Variants in TRPS1 observed in about 807,000 individuals in gnomAD.
The protein encoded by TRPS1 is zinc finger transcription factor Trps1.
In TRPS1, 6 loss-of-function variants were observed where a neutral mutation model predicts 101.2. The observed-to-expected ratio is 0.06, with a 90% CI of 0.03 to 0.12. The LOEUF is 0.12. Ranked by LOEUF, TRPS1 falls within the 10% of genes least tolerant of loss-of-function variation. The probability of loss-of-function intolerance (pLI) is 1.00; values close to 1 mark genes in which losing one functional copy is unlikely to be tolerated. For synonymous variants in TRPS1, 578 were observed against 589.8 expected (o/e 0.98, Z 0.29); for missense variants, 1,363 against 1,567.0 (o/e 0.87, Z 2.20).
intron 5 of TRPS1, among the ~76,000 whole-genome samples, chr8:115,585,073 G>A (rs1402777461): frequency 1.3e-5 from 2 of 152,108 alleles, no homozygotes; most frequent in Non-Finnish European, 2.9e-5. Context: ...AGCCTTTGAA[G>A]ATAATAAATC....
chr8:115,455,776 T>TC (rs1814003463), intron 5 of TRPS1, among the ~76,000 whole-genome samples: 1 of 109,222 alleles, frequency 9.2e-6, no homozygotes, highest in South Asian at 2.6e-4. Flanking sequence ...TCTTTCTTTC[T>TC]TTTTTTTTTT....
chr8:115,461,101 A>T (rs1814157034), intron 5 of TRPS1, among the ~76,000 whole-genome samples: 1 of 152,178 alleles, frequency 6.6e-6, no homozygotes, highest in South Asian at 2.1e-4. Context: ...TGCATGTCAT[A>T]CAATATAATG....
At chr8:115,456,192 C>A (rs1448771327) in intron 5 of TRPS1, among the ~76,000 whole-genome samples, 3 of 151,932 alleles carry the variant, frequency 2.0e-5, no homozygotes, top group South Asian at 4.1e-4. Context: ...TATTAGGTAT[C>A]CTGTGCAACG....
At chr8:115,657,380 G>A (rs554729282) in intron 1 of TRPS1, among the ~76,000 whole-genome samples, 1 of 151,894 alleles carries the variant, frequency 6.6e-6, no homozygotes, top group African/African-American at 2.4e-5. Context: ...TTACTCCCTC[G>A]ACTTGATGGA....
Position 115,432,554 on chromosome 8 carries a change from T to C in TRPS1, c.2701-14102A>G, listed in dbSNP as rs551624796. ...CCAAATGAAAGCAGTAATTCAAAAA[T>C]AAACAGAATGGACTGATTAGTATCA... On this transcript the variant is annotated intron_variant, in intron 5 of 6. Coordinates refer to ENST00000395715, the MANE Select transcript of TRPS1 (RefSeq NM_014112.5). Among the ~76,000 whole-genome samples the C allele has an allele frequency of 3.9e-5, 6 of 152,040 alleles. No homozygotes were observed. The South Asian group carries it at 6.2e-4, about 16-fold the overall frequency.
intron 1 of TRPS1, among the ~76,000 whole-genome samples, chr8:115,647,647 AAC>A (rs1811445688): frequency 6.6e-6 from 1 of 152,196 alleles, no homozygotes; most frequent in African/African-American, 2.4e-5. Flanking sequence ...AAATATCAGA[AAC>A]ACTTTAAGCA....
intron 5 of TRPS1, among the ~76,000 whole-genome samples, chr8:115,445,908 C>T (rs1296761095): frequency 6.6e-6 from 1 of 152,102 alleles, no homozygotes; most frequent in Non-Finnish European, 1.5e-5. Flanking sequence ...CTGCAGGACA[C>T]ATTTATAGAA....
Position 115,587,182 on chromosome 8 carries a change from A to G in TRPS1, c.2519T>C (p.Leu840Pro), listed in dbSNP as rs775638056. 5.0e-6 allele frequency: 8 copies of G among 1,614,084 alleles called. No individual in the cohort carries two copies. The highest frequency in any genetic ancestry group is 6.8e-6 in the Non-Finnish European group (8 of 1,180,030). The change falls in exon 5 of 7, where the codon CTA becomes CCA. Residue 840 changes from leucine (L) to proline (P), a missense_variant. By Grantham distance (98) the Leu-to-Pro change is moderately conservative. This residue lies in a region of TRPS1 where 1,020 missense variants were observed against 1,073.0 expected (regional missense o/e 0.95). Transcript: ENST00000395715. ...GGCCTCCACATTGGGACTATCCCTTAGAGTCTTTGTCTGCTCTTGGGTGCC... is the reference window on the plus strand; with the variant it reads ...GGCCTCCACATTGGGACTATCCCTTGGAGTCTTTGTCTGCTCTTGGGTGCC... ...VSGTQEQTKTLRDSPNVEAAH... is the reference protein window; with the variant it reads ...VSGTQEQTKTPRDSPNVEAAH...
intron 5 of TRPS1, among the ~76,000 whole-genome samples, chr8:115,516,807 G>A (rs1343668974): frequency 1.3e-5 from 2 of 151,424 alleles, no homozygotes; most frequent in African/African-American, 2.4e-5. Flanking sequence ...CTAAAACACC[G>A]TTAAGCTTAA....
intron 5 of TRPS1, among the ~76,000 whole-genome samples, chr8:115,503,489 A>G (rs1262614257): frequency 6.6e-6 from 1 of 152,166 alleles, no homozygotes; most frequent in East Asian, 1.9e-4. Flanking sequence ...TACAGGAACA[A>G]AAATTACAAT....
chr8:115,498,413 C>CGA (rs1815214787), intron 5 of TRPS1, among the ~76,000 whole-genome samples: 1 of 63,480 alleles, frequency 1.6e-5, no homozygotes, highest in Non-Finnish European at 2.6e-5. Flanking sequence ...CTCTCTCTCT[C>CGA]TCTATATATA....
intron 5 of TRPS1, among the ~76,000 whole-genome samples, chr8:115,450,274 T>C (rs1384594221): frequency 1.3e-5 from 2 of 152,212 alleles, no homozygotes; most frequent in Non-Finnish European, 2.9e-5. Context: ...AGCCAGAAAG[T>C]GAATTCCAAA....
chr8:115,419,707 T>C (rs1307680629), intron 5 of TRPS1, among the ~76,000 whole-genome samples: 6 of 152,222 alleles, frequency 3.9e-5, no homozygotes, highest in Non-Finnish European at 7.3e-5. Flanking sequence ...GAACACTTTC[T>C]TGGCATTGAA....
intron 5 of TRPS1, among the ~76,000 whole-genome samples, chr8:115,551,390 A>G (rs1341371826): frequency 6.6e-6 from 1 of 152,152 alleles, no homozygotes; most frequent in Admixed American, 6.5e-5. Context: ...TGATAAATAT[A>G]AATTCTATAC....
At chr8:115,608,692 G>A (rs1289317266) in intron 3 of TRPS1, among the ~76,000 whole-genome samples, 1 of 151,574 alleles carries the variant, frequency 6.6e-6, no homozygotes, top group Non-Finnish European at 1.5e-5. Flanking sequence ...TTCCTGAGAT[G>A]ATAAAAATGT....
At chr8:115,487,399 C>A (rs938072290) in intron 5 of TRPS1, among the ~76,000 whole-genome samples, 1 of 47,968 alleles carries the variant, frequency 2.1e-5, no homozygotes, top group Non-Finnish European at 4.9e-5. Flanking sequence ...GCCTGTGGAC[C>A]CCAGGAGTAA....
intron 1 of TRPS1, among the ~76,000 whole-genome samples, chr8:115,637,636 T>C (rs567125694): frequency 2.0e-5 from 3 of 152,340 alleles, no homozygotes; most frequent in East Asian, 3.9e-4. Context: ...TCTGTTACAT[T>C]ATTTGTATTC....
At chr8:115,543,403 A>C (rs2130313400) in intron 5 of TRPS1, among the ~76,000 whole-genome samples, 1 of 152,334 alleles carries the variant, frequency 6.6e-6, no homozygotes, top group South Asian at 2.1e-4. Context: ...AAAAATTGCC[A>C]ATTAGCTTTC....
At chr8:115,447,138 G>A (rs1002061755) in intron 5 of TRPS1, among the ~76,000 whole-genome samples, 1 of 152,108 alleles carries the variant, frequency 6.6e-6, no homozygotes, top group Admixed American at 6.6e-5. Context: ...TCAAGTTTGA[G>A]AGTCACTTCC....
Sources: gnomAD v4.1 joint callset for allele counts (sites outside exome capture counted in the v4.1 genomes callset) on GRCh38, gnomAD v4.1.1 for gene constraint, gnomAD v4.1.1 regional missense constraint, MANE v1.5 for transcripts, NCBI Gene and HGNC (gene_info 2026-07-23, HGNC 2026-07-21) for gene names.